SUPT3H: variants seen among roughly 807,000 people sequenced by gnomAD.
The protein encoded by SUPT3H is transcription initiation protein SPT3 homolog.
Under a neutral mutation model 44.3 loss-of-function variants are expected in SUPT3H, and 44 were observed. The observed-to-expected ratio is 0.99, with a 90% CI of 0.78 to 1.28. SUPT3H has a LOEUF of 1.28. SUPT3H is among the 50% of genes most tolerant of loss of function. The pLI, the probability that SUPT3H is intolerant of heterozygous loss-of-function variation, is 0.00. For missense variants in SUPT3H, 380 were observed against 387.1 expected (o/e 0.98, Z 0.15); for synonymous variants, 124 against 125.6 (o/e 0.99, Z 0.09).
intron 10 of SUPT3H, among the ~76,000 whole-genome samples, chr6:44,836,507 A>T (rs1281978862): frequency 5.9e-5 from 9 of 152,152 alleles, no homozygotes; most frequent in Non-Finnish European, 1.3e-4. Context: ...CAGAGCCCAT[A>T]AATCTTGAGG....
chr6:45,192,748 CATTG>C (rs1815350424), intron 2 of SUPT3H, among the ~76,000 whole-genome samples: 1 of 152,080 alleles, frequency 6.6e-6, no homozygotes, highest in South Asian at 2.1e-4. Flanking sequence ...CTTAATAACT[CATTG>C]ATTATGACTC....
chr6:45,305,613 T>G (rs904469268), intron 2 of SUPT3H, among the ~76,000 whole-genome samples: 1 of 152,222 alleles, frequency 6.6e-6, no homozygotes, highest in South Asian at 2.1e-4. Flanking sequence ...TTCTGGTCCC[T>G]TCTAATATAC....
chr6:45,118,630 A>G (rs1555681), intron 2 of SUPT3H, among the ~76,000 whole-genome samples: 46,970 of 151,958 alleles, frequency 0.31, 8,940 homozygotes, highest in East Asian at 0.57. Flanking sequence ...TCTCTGTCAA[A>G]TAAGTCTTTG....
chr6:45,072,717 A>T (rs1794548711), intron 3 of SUPT3H, among the ~76,000 whole-genome samples: 1 of 151,788 alleles, frequency 6.6e-6, no homozygotes, highest in Non-Finnish European at 1.5e-5. Context: ...TCAGAGTCTG[A>T]CTCTTCTGAA....
intron 5 of SUPT3H, among the ~76,000 whole-genome samples, chr6:45,004,184 C>T (rs1782390108): frequency 6.6e-6 from 1 of 151,824 alleles, no homozygotes. Context: ...CAAATACAAG[C>T]TAAGAAAGCA....
intron 4 of SUPT3H, among the ~76,000 whole-genome samples, chr6:45,015,190 T>C (rs998586244): frequency 1.3e-5 from 2 of 152,154 alleles, no homozygotes; most frequent in East Asian, 3.9e-4. Flanking sequence ...TTCATCGTTT[T>C]GTGAACATCA....
At chr6:45,100,991 C>T (rs1316336434) in intron 3 of SUPT3H, among the ~76,000 whole-genome samples, 3 of 152,040 alleles carry the variant, frequency 2.0e-5, no homozygotes, top group Admixed American at 1.3e-4. Context: ...TATATATTCA[C>T]AATGAAATAC....
At chr6:45,264,120 T>C (rs935362735) in intron 2 of SUPT3H, among the ~76,000 whole-genome samples, 1 of 152,142 alleles carries the variant, frequency 6.6e-6, no homozygotes, top group Admixed American at 6.6e-5. Flanking sequence ...CTATTAGCTA[T>C]GAATTAATTA....
intron 3 of SUPT3H, among the ~76,000 whole-genome samples, chr6:45,055,001 G>A (rs6912845): frequency 0.98 from 149,055 of 152,154 alleles, 73,023 homozygotes; most frequent in Middle Eastern, 1. Context: ...AAGCATAATA[G>A]CAACTATTAA....
downstream of SUPT3H, among the ~76,000 whole-genome samples, chr6:44,826,638 T>A (rs964335512): frequency 2.0e-5 from 3 of 152,226 alleles, no homozygotes; most frequent in Non-Finnish European, 4.4e-5. Flanking sequence ...AGAGGTTATA[T>A]GAACTGGAAA....
At chr6:44,909,426 A>G (rs1328620326) in intron 10 of SUPT3H, among the ~76,000 whole-genome samples, 1 of 152,108 alleles carries the variant, frequency 6.6e-6, no homozygotes, top group Non-Finnish European at 1.5e-5. Flanking sequence ...TGGATCACCT[A>G]TTTAGTCCTT....
intron 3 of SUPT3H, among the ~76,000 whole-genome samples, chr6:45,102,934 G>A (rs1192895362): frequency 3.4e-5 from 5 of 147,680 alleles, no homozygotes; most frequent in Non-Finnish European, 5.9e-5. Flanking sequence ...GTGAGACTCC[G>A]TCTCAAAAAA....
intron 2 of SUPT3H, among the ~76,000 whole-genome samples, chr6:45,357,374 A>G (rs1415379709): frequency 2.0e-5 from 3 of 152,040 alleles, no homozygotes; most frequent in Non-Finnish European, 4.4e-5. Flanking sequence ...TCTGTTACCC[A>G]GGCTGGAGAA....
Position 45,120,417 on chromosome 6 carries a change from TAAAAAAAAAAAA to T in SUPT3H, c.102-14423_102-14412del, listed in dbSNP as rs71687494. 3.8e-4 allele frequency among the ~76,000 whole-genome samples: 19 copies of T among 50,510 alleles called. 1 individual carries two copies. The highest frequency in any genetic ancestry group is 3.0e-4 in the Non-Finnish European group (8 of 26,884). 33.1% of individuals were successfully genotyped at this position (50,510 alleles called of 152,430 possible). A position where few individuals can be genotyped will look rare whatever the true frequency, so the allele number is the denominator to read the frequency against. On this transcript the variant is annotated intron_variant, in intron 2 of 10. Transcript: ENST00000371459. Reference sequence around the variant, plus strand: ...CTGGGTAACAGTGTGAGACCTTGTCTAAAAAAAAAAAAAAAAAAAAAAAAGACTATATAAGCA... The same window carrying T: ...CTGGGTAACAGTGTGAGACCTTGTCTAAAAAAAAAAAAGACTATATAAGCA...
At chr6:45,117,570 T>A (rs1380121811) in intron 2 of SUPT3H, among the ~76,000 whole-genome samples, 1 of 152,064 alleles carries the variant, frequency 6.6e-6, no homozygotes, top group Admixed American at 6.6e-5. Flanking sequence ...ATTACAACTT[T>A]ATTACACTTC....
At chr6:45,135,534 A>G (rs1451547316) in intron 2 of SUPT3H, among the ~76,000 whole-genome samples, 1 of 152,124 alleles carries the variant, frequency 6.6e-6, no homozygotes, top group Non-Finnish European at 1.5e-5. Context: ...CTAGTTCATC[A>G]CTCTTAAATT....
intron 11 of SUPT3H, among the ~76,000 whole-genome samples, chr6:44,817,456 G>C (rs1766988856): frequency 6.6e-6 from 1 of 152,150 alleles, no homozygotes; most frequent in South Asian, 2.1e-4. Flanking sequence ...CTATTCAATA[G>C]TGTACTGGAG....
intron 3 of SUPT3H, among the ~76,000 whole-genome samples, chr6:45,055,869 T>C (rs1791034661): frequency 6.6e-6 from 1 of 151,982 alleles, no homozygotes; most frequent in Non-Finnish European, 1.5e-5. Flanking sequence ...AAAGAAATAA[T>C]CAGCAGAGTA....
At chr6:45,031,357 T>C (rs1341693606) in intron 3 of SUPT3H, among the ~76,000 whole-genome samples, 1 of 152,216 alleles carries the variant, frequency 6.6e-6, no homozygotes, top group Non-Finnish European at 1.5e-5. Flanking sequence ...TAATACATAT[T>C]TGTGTGTGCA....
Sources: allele counts gnomAD v4.1 joint callset (sites outside exome capture counted in the v4.1 genomes callset), GRCh38; gene constraint gnomAD v4.1.1; transcripts MANE v1.5; gene names NCBI Gene and HGNC (gene_info 2026-07-23, HGNC 2026-07-21).